The following RPN2 variants were observed in gnomAD, a reference collection of about 807,000 sequenced individuals.
RPN2 encodes the protein ribophorin II.
A neutral mutation model predicts 71.4 loss-of-function variants in RPN2; 29 were observed. That is an observed-to-expected ratio of 0.41 (90% CI 0.30 to 0.55). The LOEUF is 0.55. RPN2 is among the 20% of genes least tolerant of loss of function. The pLI is 0.35. For missense variants in RPN2, 726 were observed against 774.1 expected (o/e 0.94, Z 0.74); for synonymous variants, 308 against 305.0 (o/e 1.01, Z -0.10).
intron 4 of RPN2, among the ~76,000 whole-genome samples, chr20:37,201,488 G>GGT (rs1236468565): frequency 2.0e-5 from 3 of 151,932 alleles, no homozygotes; most frequent in African/African-American, 7.3e-5. Context: ...CCTGGCACAT[G>GGT]GTCTGTACCC....
Position 37,207,437 on chromosome 20 carries a change from G to A in RPN2, c.855G>A (p.Gln285=). 2 of 1,614,160 alleles carry A rather than the reference G, an allele frequency of 1.2e-6. No individual in the cohort carries two copies. Among genetic ancestry groups the A allele is most frequent in the Non-Finnish European group, 1.7e-6 (2 of 1,180,004 alleles). The change falls in exon 7 of 17, where the codon CAG becomes CAA. Residue 285 remains glutamine, a synonymous_variant. Coordinates refer to ENST00000237530, the MANE Select transcript of RPN2 (RefSeq NM_002951.5). ...PEGSASDTHE[Q]AILRLQVTNV... ...GCTCTGCTTCCGACACTCATGAACA[G>A]GCTATCTTGCGGGTAAGACATCCAT...
At chr20:37,188,756 A>G (rs1354285662) in intron 2 of RPN2, among the ~76,000 whole-genome samples, 1 of 151,394 alleles carries the variant, frequency 6.6e-6, no homozygotes, top group East Asian at 1.9e-4. Flanking sequence ...AGCTGGGACT[A>G]CAGTCACCTG....
rs1462444491 is a variant in RPN2, at chr20:37,189,641, T to C, written c.207+5268T>C. 2.0e-5 allele frequency among the ~76,000 whole-genome samples: 3 copies of C among 152,158 alleles called. No homozygotes were observed. In the East Asian group the frequency reaches 5.8e-4, roughly 29 times the overall value. ...TATAAACCCTAAAGGTGAATGTACC[T>C]CCTGATAAAATTAGTTCTGCTCAAA... is the stretch of plus-strand genomic sequence containing the variant. On this transcript the variant is annotated intron_variant, in intron 2 of 16. Coordinates refer to ENST00000237530, the MANE Select transcript of RPN2 (RefSeq NM_002951.5).
At chr20:37,237,809 C>G (rs1156798871) in intron 16 of RPN2, among the ~76,000 whole-genome samples, 1 of 152,174 alleles carries the variant, frequency 6.6e-6, no homozygotes, top group Admixed American at 6.5e-5. Context: ...AAGCAGAACC[C>G]TGTTCCCTTG....
intron 2 of RPN2, among the ~76,000 whole-genome samples, chr20:37,197,828 C>T (rs2067286903): frequency 6.6e-6 from 1 of 152,066 alleles, no homozygotes; most frequent in South Asian, 2.1e-4. Context: ...AACTCCTGAG[C>T]TCAAGCAGTC....
chr20:37,218,350 C>T (rs1201066977), intron 9 of RPN2, among the ~76,000 whole-genome samples: 1 of 151,884 alleles, frequency 6.6e-6, no homozygotes, highest in Non-Finnish European at 1.5e-5. Flanking sequence ...GAGTTTGAGG[C>T]TGCAGTGAAC....
chr20:37,208,267 T>TAAAAAA (rs33943502), intron 7 of RPN2, among the ~76,000 whole-genome samples: 3 of 141,540 alleles, frequency 2.1e-5, no homozygotes, highest in African/African-American at 7.8e-5. Flanking sequence ...AGACCCTGTC[T>TAAAAAA]AAAAAAAAAA....
chr20:37,179,372 G>A lies in RPN2; in HGVS notation c.13+3G>A. 5 of 319,656 alleles carry A rather than the reference G, an allele frequency of 1.6e-5. No homozygotes were observed. Among genetic ancestry groups the A allele is most frequent in the Non-Finnish European group, 2.1e-5 (5 of 238,802 alleles). The allele number at this position is 319,656 out of a possible 1,614,324, so 19.8% of individuals were successfully genotyped here. On this transcript the variant is annotated splice_donor_region_variant and intron_variant, in intron 1 of 16. Transcript: ENST00000237530. ...GCTCGGAGGAATGGCGCCGCCGGGT[G>A]AGGAGTTGCGCGTGGCTTTGGGGAG... is the stretch of plus-strand genomic sequence containing the variant.
intron 8 of RPN2, among the ~76,000 whole-genome samples, chr20:37,210,888 T>C (rs549572218): frequency 2.0e-5 from 3 of 152,102 alleles, no homozygotes; most frequent in Non-Finnish European, 4.4e-5. Flanking sequence ...TGTAAATAAA[T>C]TTTAAAAATT....
rs1163992444 is a variant in RPN2, at chr20:37,232,323, C to T, written c.1609C>T (p.Pro537Ser). 7 of 1,614,150 alleles carry T rather than the reference C, an allele frequency of 4.3e-6. No individual in the cohort carries two copies. Among genetic ancestry groups the T allele is most frequent in the East Asian group, 2.2e-5 (1 of 44,888 alleles). Reference sequence around the variant, plus strand: ...CCTGTTCCGCGAGCCTGAGAAGAGGCCCCCCACCGTGGTGTCCAATACATT... The same window carrying T: ...CCTGTTCCGCGAGCCTGAGAAGAGGTCCCCCACCGTGGTGTCCAATACATT... The part of the protein sequence containing the change: ...QHLFREPEKR[P>S]PTVVSNTFTA... The change falls in exon 14 of 17, where the codon CCC becomes TCC. Residue 537 changes from proline to serine, a missense_variant. Pro to Ser is a moderately conservative substitution (Grantham distance 74). Transcript: ENST00000237530.
chr20:37,232,815 A>G (rs930665446), intron 14 of RPN2, among the ~76,000 whole-genome samples: 3 of 152,218 alleles, frequency 2.0e-5, no homozygotes, highest in African/African-American at 7.2e-5. Flanking sequence ...GCAGCTTTTC[A>G]AAGAATGGAT....
intron 5 of RPN2, 150 bp from the exon 6 acceptor site, chr20:37,204,617 A>G (rs894335599): frequency 1.5e-5 from 14 of 917,164 alleles, no homozygotes; most frequent in Admixed American, 6.8e-5. Flanking sequence ...CCTAAGCACC[A>G]TTTTTGAGAA....
intron 9 of RPN2, among the ~76,000 whole-genome samples, chr20:37,221,563 A>G (rs1442978523): frequency 1.3e-5 from 2 of 152,178 alleles, no homozygotes; most frequent in African/African-American, 4.8e-5. Flanking sequence ...TTATTTAGCT[A>G]GTCTTCTGTT....
Position 37,198,930 on chromosome 20 carries a change from G to C in RPN2, c.304-120G>C, listed in dbSNP as rs964419479. The C allele has an allele frequency of 2.4e-5, 20 of 820,810 alleles. No individual in the cohort carries two copies. In the East Asian group the frequency reaches 3.0e-4, roughly 12 times the overall value. The allele number at this position is 820,810 out of a possible 1,614,324, so 50.8% of individuals were successfully genotyped here. On this transcript the variant is annotated intron_variant, in intron 3 of 16. Coordinates refer to ENST00000237530, the MANE Select transcript of RPN2 (RefSeq NM_002951.5). Reference sequence around the variant, plus strand: ...ATCCTGGTGTCTGGGGATTAGAGGGGGATGAGCATGTGCGAGGCGGAGGTG... The same window carrying C: ...ATCCTGGTGTCTGGGGATTAGAGGGCGATGAGCATGTGCGAGGCGGAGGTG...
intron 15 of RPN2, 96 bp downstream of exon 15, chr20:37,234,191 A>G (rs2068322711): frequency 4.3e-6 from 5 of 1,162,964 alleles, no homozygotes; most frequent in Non-Finnish European, 6.3e-6. Flanking sequence ...CCTATTACCT[A>G]TAATGACTTA....
At chr20:37,224,652 A>C (rs573198483) in intron 10 of RPN2, among the ~76,000 whole-genome samples, 1 of 152,324 alleles carries the variant, frequency 6.6e-6, no homozygotes, top group African/African-American at 2.4e-5. Context: ...TGCTGTAAGA[A>C]GCCTGCTCAT....
At chr20:37,193,114 C>T (rs2067181912) in intron 2 of RPN2, among the ~76,000 whole-genome samples, 1 of 152,050 alleles carries the variant, frequency 6.6e-6, no homozygotes, top group Non-Finnish European at 1.5e-5. Flanking sequence ...TGTGAGAGGG[C>T]AAGACCCTGT....
At chr20:37,213,669 C>A in intron 8 of RPN2, 91 bp from the exon 9 acceptor site, 1 of 965,792 alleles carries the variant, frequency 1.0e-6, no homozygotes, top group Non-Finnish European at 1.7e-6. Context: ...TAGCCTTGGA[C>A]AGTCTCCAGG....
At chr20:37,187,598 T>C (rs1020685408) in intron 2 of RPN2, among the ~76,000 whole-genome samples, 3 of 152,050 alleles carry the variant, frequency 2.0e-5, no homozygotes, top group Admixed American at 1.3e-4. Flanking sequence ...GGCTTACCTG[T>C]TTTTCCCTCT....
Sources: gnomAD v4.1 joint callset for allele counts (sites outside exome capture counted in the v4.1 genomes callset) on GRCh38, gnomAD v4.1.1 for gene constraint, MANE v1.5 for transcripts, NCBI Gene and HGNC (gene_info 2026-07-23, HGNC 2026-07-21) for gene names.